ARB2A: variants seen among roughly 807,000 people sequenced by gnomAD.
ARB2A encodes the protein cotranscriptional regulator ARB2A.
At chr5:94,013,122 T>C in the ARB2A span, among the ~76,000 whole-genome samples, 2 of 152,028 alleles carry the variant, frequency 1.3e-5, no homozygotes, top group African/African-American at 4.8e-5. Context: ...TGGTTCCAAC[T>C]GATTTCAACC....
the ARB2A span, among the ~76,000 whole-genome samples, chr5:93,909,851 GA>G: frequency 5.3e-5 from 8 of 150,882 alleles, no homozygotes; most frequent in Non-Finnish European, 8.9e-5. Flanking sequence ...AAGTCTTAAA[GA>G]GGGTTTTAAA....
the ARB2A span, among the ~76,000 whole-genome samples, chr5:94,053,894 G>A: frequency 2.0e-5 from 3 of 152,008 alleles, no homozygotes; most frequent in Admixed American, 6.6e-5. Context: ...TCAGCCTTCC[G>A]AGTAGCTGGG....
chr5:93,813,156 T>C, the ARB2A span, among the ~76,000 whole-genome samples: 1 of 152,320 alleles, frequency 6.6e-6, no homozygotes, highest in East Asian at 1.9e-4. Flanking sequence ...ATTTTTGTTA[T>C]ATCATTGGTA....
At chr5:94,039,185 TGTAA>T in the ARB2A span, among the ~76,000 whole-genome samples, 1 of 152,212 alleles carries the variant, frequency 6.6e-6, no homozygotes, top group Non-Finnish European at 1.5e-5. Context: ...GAAGTTTGAA[TGTAA>T]GTGTCAGAGG....
At chr5:93,658,822 A>G in the ARB2A span, among the ~76,000 whole-genome samples, 1 of 151,980 alleles carries the variant, frequency 6.6e-6, no homozygotes, top group Non-Finnish European at 1.5e-5. Context: ...TCATAGGCTG[A>G]TGGCCAATTA....
At chr5:93,898,550 A>G in the ARB2A span, among the ~76,000 whole-genome samples, 1 of 152,060 alleles carries the variant, frequency 6.6e-6, no homozygotes. Flanking sequence ...CTTTAGTGAC[A>G]TACAGAGTGA....
At chr5:94,024,772 A>C in the ARB2A span, among the ~76,000 whole-genome samples, 4 of 152,186 alleles carry the variant, frequency 2.6e-5, no homozygotes, top group Non-Finnish European at 4.4e-5. Flanking sequence ...AATATTCTGC[A>C]AGCAGATGGG....
the ARB2A span, among the ~76,000 whole-genome samples, chr5:94,090,282 T>C: frequency 6.6e-6 from 1 of 152,190 alleles, no homozygotes; most frequent in Non-Finnish European, 1.5e-5. Flanking sequence ...ATTCTCTTTG[T>C]AGCAATTGTG....
the ARB2A span, among the ~76,000 whole-genome samples, chr5:93,728,016 A>G: frequency 1.3e-5 from 2 of 152,126 alleles, no homozygotes; most frequent in Admixed American, 1.3e-4. Context: ...CAATATATAC[A>G]TTAAGGATTT....
At chr5:93,700,990 C>A in the ARB2A span, among the ~76,000 whole-genome samples, 3 of 152,000 alleles carry the variant, frequency 2.0e-5, no homozygotes, top group African/African-American at 7.2e-5. Context: ...GCTCTCCTAA[C>A]CAAATGCTGA....
chr5:94,036,687 T>C, the ARB2A span, among the ~76,000 whole-genome samples: 1 of 152,172 alleles, frequency 6.6e-6, no homozygotes, highest in Non-Finnish European at 1.5e-5. Flanking sequence ...CTGTTTCTGT[T>C]GTTTTGGTCT....
the ARB2A span, among the ~76,000 whole-genome samples, chr5:93,870,063 G>A: frequency 3.3e-5 from 5 of 152,198 alleles, no homozygotes; most frequent in East Asian, 1.9e-4. Flanking sequence ...GAGAAAAAAC[G>A]GAATGAAAGT....
At chr5:93,879,746 A>G in the ARB2A span, among the ~76,000 whole-genome samples, 2 of 152,074 alleles carry the variant, frequency 1.3e-5, no homozygotes, top group Non-Finnish European at 2.9e-5. Context: ...CAGATGTCTG[A>G]TATCTGAGAT....
the ARB2A span, among the ~76,000 whole-genome samples, chr5:93,807,912 T>G: frequency 5.5e-4 from 83 of 152,110 alleles, no homozygotes; most frequent in African/African-American, 1.7e-3. Flanking sequence ...AAGTTTTACC[T>G]TCTCCCTAGA....
the ARB2A span, among the ~76,000 whole-genome samples, chr5:93,834,196 A>G: frequency 3.3e-5 from 5 of 152,202 alleles, no homozygotes; most frequent in South Asian, 2.1e-4. Context: ...GATAGTTGAA[A>G]GTTTGCTACT....
At chr5:93,901,705 AG>A in the ARB2A span, among the ~76,000 whole-genome samples, 11 of 152,266 alleles carry the variant, frequency 7.2e-5, no homozygotes, top group African/African-American at 2.6e-4. Context: ...TATAGGAGAC[AG>A]TCACTGGACT....
chr5:93,881,478 A>G, the ARB2A span: 2 of 1,608,498 alleles, frequency 1.2e-6, no homozygotes, highest in Non-Finnish European at 1.7e-6. Context: ...ACTCTGATAT[A>G]CAATTGCATC....
the ARB2A span, among the ~76,000 whole-genome samples, chr5:94,003,653 T>C: frequency 6.6e-6 from 1 of 151,902 alleles, no homozygotes; most frequent in African/African-American, 2.4e-5. Flanking sequence ...TAATGAAATG[T>C]ATAAAGACTT....
At chr5:93,761,514 C>T in the ARB2A span, among the ~76,000 whole-genome samples, 23 of 152,154 alleles carry the variant, frequency 1.5e-4, no homozygotes, top group Admixed American at 2.6e-4. Flanking sequence ...GGGGGAAGGG[C>T]GCCCACCATT....
Sources: gnomAD v4.1 joint callset for allele counts (sites outside exome capture counted in the v4.1 genomes callset) on GRCh38, gnomAD v4.1.1 for gene constraint, MANE v1.5 for transcripts, NCBI Gene and HGNC (gene_info 2026-07-23, HGNC 2026-07-21) for gene names.